The following ATP8B1 variants were observed in gnomAD, a reference collection of about 807,000 sequenced individuals.
ATP8B1 encodes phospholipid-transporting ATPase IC.
Under a neutral mutation model 149.9 loss-of-function variants are expected in ATP8B1, and 80 were observed. The observed-to-expected ratio is 0.53, with a 90% CI of 0.45 to 0.64. ATP8B1 has a LOEUF of 0.64. ATP8B1 is among the 30% of genes least tolerant of loss of function. The pLI, the probability that ATP8B1 is intolerant of heterozygous loss-of-function variation, is 0.00. For missense variants in ATP8B1, 1,247 were observed against 1,552.6 expected (o/e 0.80, Z 3.31); for synonymous variants, 536 against 562.8 (o/e 0.95, Z 0.67).
chr18:57,743,885 T>C (rs1182435148), intron 1 of ATP8B1, among the ~76,000 whole-genome samples: 2 of 152,046 alleles, frequency 1.3e-5, no homozygotes, highest in Non-Finnish European at 2.9e-5. Context: ...AGGGAGACTG[T>C]TCAAAAGTCA....
In ATP8B1 at chr18:57,758,349, TAAG is replaced by T. The variant is rs1021260963; in HGVS notation, c.-25-26520_-25-26518del. Among the ~76,000 whole-genome samples the T allele has an allele frequency of 6.7e-4, 102 of 152,142 alleles. 1 individual carries two copies. Among genetic ancestry groups the T allele is most frequent in the Middle Eastern group, 3.4e-3 (1 of 294 alleles). On this transcript the variant is annotated intron_variant, in intron 1 of 27. Coordinates refer to ENST00000648908, the MANE Select transcript of ATP8B1 (RefSeq NM_001374385.1). ...ATCCGTCCTGTGTGTTTTACAAAGA[TAAG>T]AAGATAGGCCAGGCGCGGTGCCTCA...
chr18:57,774,476 A>G (rs868765677), intron 1 of ATP8B1, among the ~76,000 whole-genome samples: 7 of 152,206 alleles, frequency 4.6e-5, no homozygotes, highest in Admixed American at 1.3e-4. Context: ...GTGTGCCTGT[A>G]ATCCCAGCTA....
chr18:57,740,435 CTTA>C (rs1344155233), intron 1 of ATP8B1: 1 of 152,002 alleles, frequency 6.6e-6, no homozygotes, highest in Non-Finnish European at 1.5e-5. Context: ...ATACGTGTTT[CTTA>C]TTATATGTTC....
chr18:57,653,704 G>A (rs199851785), intron 24 of ATP8B1, among the ~76,000 whole-genome samples: 79 of 52,556 alleles, frequency 1.5e-3, no homozygotes, highest in African/African-American at 5.6e-3. Context: ...TTTTTTTTTT[G>A]TCTTAGAGAT....
In ATP8B1 at chr18:57,648,127, C is replaced by T. The variant is rs548149860; in HGVS notation, c.*361G>A. ...TCAGCTTCTCAAATAGGTGGGATTA[C>T]GGGTGCCCACCACCAAGCCCGGCTA... On this transcript the variant is annotated 3_prime_UTR_variant, in exon 28 of 28. Coordinates refer to ENST00000648908, the MANE Select transcript of ATP8B1 (RefSeq NM_001374385.1). 76 of 376,518 alleles carry T rather than the reference C, an allele frequency of 2.0e-4. No individual in the cohort carries two copies. The highest frequency in any genetic ancestry group is 1.4e-3 in the African/African-American group (69 of 48,016). 23.3% of individuals were successfully genotyped at this position (376,518 alleles called of 1,614,324 possible).
chr18:57,754,169 G>A (rs1406507492), intron 1 of ATP8B1, among the ~76,000 whole-genome samples: 1 of 151,950 alleles, frequency 6.6e-6, no homozygotes, highest in East Asian at 1.9e-4. Context: ...CTGGCACAGG[G>A]GCTCATGCCT....
chr18:57,765,275 A>C (rs1195882101), intron 1 of ATP8B1, among the ~76,000 whole-genome samples: 4 of 152,210 alleles, frequency 2.6e-5, no homozygotes, highest in Admixed American at 2.6e-4. Context: ...GGAGTTGTTT[A>C]ATGAGTGCAG....
At chr18:57,714,710 T>C (rs1171793515) in intron 2 of ATP8B1, among the ~76,000 whole-genome samples, 1 of 152,152 alleles carries the variant, frequency 6.6e-6, no homozygotes, top group East Asian at 1.9e-4. Context: ...TTCTTCCAGA[T>C]AGTCTGCAAG....
chr18:57,653,869 A>ATTATAATAGGGTTTGATC, intron 24 of ATP8B1, 123 bp downstream of exon 24: 1 of 932,208 alleles, frequency 1.1e-6, no homozygotes, highest in African/African-American at 1.6e-5. Context: ...TGACAACAGA[A>ATTATAATAGGGTTTGATC]TTATAATAGG....
intron 6 of ATP8B1, among the ~76,000 whole-genome samples, chr18:57,700,329 C>T (rs1913056950): frequency 1.3e-5 from 2 of 152,052 alleles, no homozygotes; most frequent in South Asian, 2.1e-4. Context: ...TATTTTAAAT[C>T]TCCAAGTCAT....
chr18:57,803,239 CT>C lies in ATP8B1; in HGVS notation c.-268del. 6.5e-6 allele frequency: 1 copy of C among 152,762 alleles called. No individual in the cohort carries two copies. The highest frequency in any genetic ancestry group is 1.5e-5 in the Non-Finnish European group (1 of 68,380). 9.5% of individuals were successfully genotyped at this position (152,762 alleles called of 1,614,324 possible). A position where few individuals can be genotyped will look rare whatever the true frequency, so the allele number is the denominator to read the frequency against. On this transcript the variant is annotated 5_prime_UTR_variant, in exon 1 of 28. Transcript: ENST00000648908. ...TTTCCCCGCCCCGCGTCCGTGCACC[CT>C]TCCTCTGCAGCCGCCCTTTTGCCTC... is the stretch of plus-strand genomic sequence containing the variant.
intron 1 of ATP8B1, chr18:57,735,377 C>T: frequency 6.5e-6 from 1 of 153,332 alleles, no homozygotes; most frequent in Admixed American, 6.5e-5. Context: ...AAGCTGAACA[C>T]TAGTCACTGG....
At chr18:57,800,542 G>A (rs539923500) in intron 1 of ATP8B1, among the ~76,000 whole-genome samples, 1 of 152,068 alleles carries the variant, frequency 6.6e-6, no homozygotes, top group African/African-American at 2.4e-5. Context: ...AATTCATAAG[G>A]CAATAAAATC....
intron 1 of ATP8B1, among the ~76,000 whole-genome samples, chr18:57,739,842 G>A (rs2079892553): frequency 6.6e-6 from 1 of 152,192 alleles, no homozygotes; most frequent in Non-Finnish European, 1.5e-5. Context: ...CAGCCCTCTA[G>A]TAGGGTACTG....
chr18:57,734,450 C>G (rs1385351617), intron 1 of ATP8B1, among the ~76,000 whole-genome samples: 9 of 152,172 alleles, frequency 5.9e-5, no homozygotes, highest in Admixed American at 6.5e-5. Context: ...AAATGCTCAA[C>G]TCAGTACCTA....
At chr18:57,669,788 T>C (rs1426484535) in intron 17 of ATP8B1, among the ~76,000 whole-genome samples, 2 of 152,154 alleles carry the variant, frequency 1.3e-5, no homozygotes, top group Non-Finnish European at 1.5e-5. Flanking sequence ...TAGCTGGGAC[T>C]ACAGGTGTGC....
intron 15 of ATP8B1, among the ~76,000 whole-genome samples, chr18:57,681,143 G>A (rs977060266): frequency 6.6e-6 from 1 of 152,162 alleles, no homozygotes; most frequent in Non-Finnish European, 1.5e-5. Flanking sequence ...GAGACTTGGA[G>A]CAGCATGAAA....
At chr18:57,679,229 CAAA>C (rs1040600652) in intron 15 of ATP8B1, among the ~76,000 whole-genome samples, 1 of 134,384 alleles carries the variant, frequency 7.4e-6, no homozygotes, top group Admixed American at 7.6e-5. Context: ...GACTCTGTCT[CAAA>C]AAAAAAAAAG....
Position 57,695,293 on chromosome 18 carries a change from T to C in ATP8B1, c.818A>G (p.Asp273Gly), listed in dbSNP as rs1419408356. 6.2e-7 allele frequency: 1 copy of C among 1,609,746 alleles called. No homozygotes were observed. Among genetic ancestry groups the C allele is most frequent in the South Asian group, 1.1e-5 (1 of 90,998 alleles). Residue 273 changes from aspartate to glycine, a missense_variant, in exon 10 of 28, where the codon GAT becomes GGT. Coordinates refer to ENST00000648908, the MANE Select transcript of ATP8B1 (RefSeq NM_001374385.1). Reference protein sequence around the residue: ...IECEEPNNRLDKFTGTLFWRN... With the variant: ...IECEEPNNRLGKFTGTLFWRN... ...CCAAAATAGTGTTCCTGTAAACTTATCTAGTCTGTTATTGGGTTCTTCACA... is the reference window on the plus strand; with the variant it reads ...CCAAAATAGTGTTCCTGTAAACTTACCTAGTCTGTTATTGGGTTCTTCACA...
Sources: allele counts gnomAD v4.1 joint callset (sites outside exome capture counted in the v4.1 genomes callset), GRCh38; gene constraint gnomAD v4.1.1; transcripts MANE v1.5; gene names NCBI Gene and HGNC (gene_info 2026-07-23, HGNC 2026-07-21).